The following DCC variants were observed in gnomAD, a reference collection of about 807,000 sequenced individuals.
The protein encoded by DCC is DCC netrin 1 receptor.
A neutral mutation model predicts 172.5 loss-of-function variants in DCC; 58 were observed. The observed-to-expected ratio is 0.34, with a 90% CI of 0.27 to 0.42. The LOEUF is 0.42. Among genes scored for constraint, DCC ranks in the 10% least tolerant of loss-of-function variants. The pLI is 1.00. For synonymous variants in DCC, 709 were observed against 644.5 expected, an observed-to-expected ratio of 1.10 and a Z score of -1.52; for missense variants, 1,740 against 1,791.0, an observed-to-expected ratio of 0.97 and a Z score of 0.51.
intron 1 of DCC, among the ~76,000 whole-genome samples, chr18:52,635,796 A>T (rs747191234): frequency 6.8e-6 from 1 of 147,282 alleles, no homozygotes; most frequent in Non-Finnish European, 1.5e-5. Flanking sequence ...TCATGCACTA[A>T]TTCATAACTA....
intron 1 of DCC, among the ~76,000 whole-genome samples, chr18:52,415,360 T>C (rs546744895): frequency 6.6e-6 from 1 of 152,340 alleles, no homozygotes; most frequent in East Asian, 1.9e-4. Flanking sequence ...TCTCCTGTGA[T>C]ATGTTCTAAG....
chr18:53,437,606 A>AAAAAAAGCTC (rs1568132115), intron 22 of DCC, among the ~76,000 whole-genome samples: 1 of 147,132 alleles, frequency 6.8e-6, no homozygotes, highest in African/African-American at 2.6e-5. Context: ...AAAAAAAAAA[A>AAAAAAAGCTC]AAAAGCTCAC....
At chr18:52,399,478 A>G (rs1986356698) in intron 1 of DCC, among the ~76,000 whole-genome samples, 1 of 151,964 alleles carries the variant, frequency 6.6e-6, no homozygotes. Flanking sequence ...GCCCAACATC[A>G]TCTTCCCATT....
intron 1 of DCC, among the ~76,000 whole-genome samples, chr18:52,664,211 A>T (rs1327934250): frequency 6.6e-6 from 1 of 152,144 alleles, no homozygotes; most frequent in Non-Finnish European, 1.5e-5. Context: ...AAATCAGAGA[A>T]AACTGAATTA....
At chr18:53,057,324 G>A (rs978736080) in intron 5 of DCC, among the ~76,000 whole-genome samples, 7 of 152,040 alleles carry the variant, frequency 4.6e-5, no homozygotes, top group African/African-American at 1.7e-4. Context: ...CCAAATTTAA[G>A]GTTTGCCTGT....
intron 6 of DCC, among the ~76,000 whole-genome samples, chr18:53,065,032 G>A (rs761292491): frequency 6.6e-5 from 10 of 152,022 alleles, no homozygotes; most frequent in Non-Finnish European, 1.3e-4. Context: ...GGTATTGCCC[G>A]ATTTGCATTA....
intron 27 of DCC, among the ~76,000 whole-genome samples, chr18:53,502,431 T>G (rs1283961871): frequency 6.6e-6 from 1 of 152,208 alleles, no homozygotes; most frequent in Non-Finnish European, 1.5e-5. Context: ...TTAAAAGGGC[T>G]AATGTTTACT....
At chr18:53,278,204 TTTCA>T (rs2056829045) in intron 12 of DCC, among the ~76,000 whole-genome samples, 1 of 152,164 alleles carries the variant, frequency 6.6e-6, no homozygotes, top group Non-Finnish European at 1.5e-5. Context: ...CTCATGGTGC[TTTCA>T]TTCACATATT....
At chr18:52,949,725 G>A (rs1018197059) in intron 5 of DCC, among the ~76,000 whole-genome samples, 8 of 152,158 alleles carry the variant, frequency 5.3e-5, no homozygotes, top group African/African-American at 1.9e-4. Flanking sequence ...GACAGACAGT[G>A]GCAACACTCT....
At chr18:52,679,975 C>T (rs1002055316) in intron 1 of DCC, among the ~76,000 whole-genome samples, 11 of 151,858 alleles carry the variant, frequency 7.2e-5, no homozygotes, top group Admixed American at 2.0e-4. Context: ...TAAAATTGTA[C>T]GGAATTCCAC....
intron 1 of DCC, among the ~76,000 whole-genome samples, chr18:52,663,185 G>T (rs1408601161): frequency 6.6e-6 from 1 of 152,118 alleles, no homozygotes; most frequent in Middle Eastern, 3.2e-3. Flanking sequence ...ACAAATGTAA[G>T]GTCTTTTTCC....
At chr18:53,257,235 A>G (rs1053973617) in intron 12 of DCC, among the ~76,000 whole-genome samples, 7 of 152,126 alleles carry the variant, frequency 4.6e-5, no homozygotes, top group African/African-American at 1.2e-4. Flanking sequence ...CCTGGCCAGA[A>G]CTTCCAACAC....
chr18:53,092,305 C>A (rs192800711), intron 7 of DCC, among the ~76,000 whole-genome samples: 2 of 152,010 alleles, frequency 1.3e-5, no homozygotes, highest in African/African-American at 4.8e-5. Flanking sequence ...ATTTGGGAAC[C>A]GAAGTCGTAA....
chr18:52,446,046 C>CT, intron 1 of DCC, among the ~76,000 whole-genome samples: 1 of 152,208 alleles, frequency 6.6e-6, no homozygotes. Flanking sequence ...ATTCTCCTGC[C>CT]TCAGCCTCTC....
At chr18:52,712,011 G>C (rs2036300791) in intron 1 of DCC, among the ~76,000 whole-genome samples, 1 of 151,698 alleles carries the variant, frequency 6.6e-6, no homozygotes, top group South Asian at 2.1e-4. Flanking sequence ...CACCAGGCTG[G>C]AGTGCAGTGG....
At chr18:53,135,542 C>T (rs1443337740) in intron 7 of DCC, among the ~76,000 whole-genome samples, 1 of 152,130 alleles carries the variant, frequency 6.6e-6, no homozygotes, top group East Asian at 1.9e-4. Context: ...GGTAATTCTT[C>T]ATCCAGTCTT....
intron 15 of DCC, among the ~76,000 whole-genome samples, chr18:53,342,958 T>A (rs1422562608): frequency 1.5e-5 from 2 of 136,296 alleles, no homozygotes; most frequent in African/African-American, 5.0e-5. Context: ...TATTATATAA[T>A]GTATATATAG....
intron 2 of DCC, among the ~76,000 whole-genome samples, chr18:52,807,130 G>A (rs540961636): frequency 6.6e-6 from 1 of 152,324 alleles, no homozygotes; most frequent in Admixed American, 6.5e-5. Flanking sequence ...GGGAGGTGGA[G>A]GTTGCAGTGA....
chr18:52,798,329 T>C (rs933983518), intron 2 of DCC, among the ~76,000 whole-genome samples: 3 of 152,236 alleles, frequency 2.0e-5, no homozygotes, highest in South Asian at 2.1e-4. Flanking sequence ...AGCAGACTAG[T>C]CTTTGGCTGA....
Sources: gnomAD v4.1 joint callset for allele counts (sites outside exome capture counted in the v4.1 genomes callset) on GRCh38, gnomAD v4.1.1 for gene constraint, MANE v1.5 for transcripts, NCBI Gene and HGNC (gene_info 2026-07-23, HGNC 2026-07-21) for gene names.